PTK2: variants seen among roughly 807,000 people sequenced by gnomAD.
PTK2 encodes the protein protein tyrosine kinase 2.
In PTK2, 45 loss-of-function variants were observed where a neutral mutation model predicts 150.1. The observed-to-expected ratio is 0.30, with a 90% CI of 0.24 to 0.38. The LOEUF is 0.38. PTK2 is among the 10% of genes least tolerant of loss of function. PTK2 has a pLI of 1.00. For missense variants in PTK2, 919 were observed against 1,307.3 expected (o/e 0.70, Z 4.58); for synonymous variants, 432 against 449.2 (o/e 0.96, Z 0.48).
chr8:140,700,935 T>C, exon 26 of PTK2: 2 of 1,614,006 alleles, frequency 1.2e-6, no homozygotes, highest in Non-Finnish European at 1.7e-6. Context: ...TCTTCTTCCA[T>C]TTCCTGTTGC....
chr8:140,846,040 GTA>G (rs1178117140), intron 7 of PTK2, among the ~76,000 whole-genome samples: 1 of 152,088 alleles, frequency 6.6e-6, no homozygotes, highest in African/African-American at 2.4e-5. Context: ...TACACAAAGT[GTA>G]TGTTAATGGG....
At chr8:140,975,126 T>C (rs1382588896) in intron 1 of PTK2, among the ~76,000 whole-genome samples, 2 of 152,206 alleles carry the variant, frequency 1.3e-5, no homozygotes, top group Non-Finnish European at 2.9e-5. Flanking sequence ...AGACTGTATG[T>C]TACTAAATTC....
chr8:140,688,183 CAA>C (rs989937243), intron 26 of PTK2, among the ~76,000 whole-genome samples: 18 of 152,198 alleles, frequency 1.2e-4, no homozygotes, highest in African/African-American at 4.1e-4. Flanking sequence ...AGACAGTAAG[CAA>C]AGAGGGCAAA....
intron 2 of PTK2, among the ~76,000 whole-genome samples, chr8:140,908,368 A>C (rs1222200599): frequency 6.6e-6 from 1 of 152,244 alleles, no homozygotes; most frequent in Non-Finnish European, 1.5e-5. Context: ...TACAAGATGA[A>C]GCAGCAAGTG....
rs750094251 is a variant in PTK2 at position 140,890,776 on chromosome 8, A to G, written c.-32-7T>C. The G allele has an allele frequency of 1.2e-6, 2 of 1,610,022 alleles. No homozygotes were observed. Among genetic ancestry groups the G allele is most frequent in the Non-Finnish European group, 8.5e-7 (1 of 1,176,496 alleles). On this transcript the variant is annotated splice_polypyrimidine_tract_variant and splice_region_variant and intron_variant, in intron 2 of 31. Coordinates refer to ENST00000522684, the Ensembl canonical transcript of PTK2. ...GCTAGGTATCTGTCATATTCTGTTA[A>G]AAGAACAAAATAATTTTTTGTGTAT...
chr8:140,862,222 T>C (rs1213623506), intron 5 of PTK2, among the ~76,000 whole-genome samples: 1 of 152,184 alleles, frequency 6.6e-6, no homozygotes, highest in African/African-American at 2.4e-5. Context: ...TACCCATGTA[T>C]TTCCTCGGTG....
At chr8:140,907,826 A>G (rs140835777) in intron 2 of PTK2, among the ~76,000 whole-genome samples, 258 of 152,232 alleles carry the variant, frequency 1.7e-3, no homozygotes, top group African/African-American at 6.0e-3. Context: ...GTGTGTCCTA[A>G]CTGCTCCACC....
At chr8:140,753,391 T>C (rs796675338) in intron 16 of PTK2, among the ~76,000 whole-genome samples, 4 of 152,304 alleles carry the variant, frequency 2.6e-5, no homozygotes, top group East Asian at 1.9e-4. Flanking sequence ...GTCAGTAAGA[T>C]AGCCAAGTCA....
intron 14 of PTK2, among the ~76,000 whole-genome samples, chr8:140,781,222 C>A (rs1269307314): frequency 6.6e-6 from 1 of 151,942 alleles, no homozygotes; most frequent in Non-Finnish European, 1.5e-5. Flanking sequence ...ATAACTGGGC[C>A]TTTTGATGTT....
chr8:140,718,421 A>T (rs1263951174), intron 22 of PTK2: 1 of 151,952 alleles, frequency 6.6e-6, no homozygotes, highest in Non-Finnish European at 1.5e-5. Flanking sequence ...CATCACATAA[A>T]CCCCTCAGAA....
At chr8:140,747,287 G>A (rs559654221) in intron 17 of PTK2, 3 of 171,184 alleles carry the variant, frequency 1.8e-5, no homozygotes, top group Non-Finnish European at 3.7e-5. Context: ...AATTCCACAG[G>A]TCAGTTCAGC....
In PTK2 at chr8:140,927,956, AAG is replaced by A. The variant is rs1464044752; in HGVS notation, c.-121-2209_-121-2208del. ...TCTCAAAAAGAAAAAAAAAAAAAAA[AAG>A]AAAAAAAAAAAAAAAAAATATATAT... On this transcript the variant is annotated intron_variant, in intron 1 of 31. Coordinates refer to ENST00000522684, the Ensembl canonical transcript of PTK2. Among the ~76,000 whole-genome samples, 459 of 85,200 alleles carry A rather than the reference AAG, an allele frequency of 5.4e-3. 3 individuals are homozygous for A. Among genetic ancestry groups the A allele is most frequent in the Admixed American group, 6.8e-3 (37 of 5,404 alleles). The allele number at this position is 85,200 out of a possible 152,430, so 55.9% of individuals were successfully genotyped here.
chr8:140,866,854 G>A, intron 4 of PTK2, among the ~76,000 whole-genome samples: 1 of 152,128 alleles, frequency 6.6e-6, no homozygotes, highest in East Asian at 1.9e-4. Context: ...CAAATCAAAG[G>A]GGAATAACAA....
intron 1 of PTK2, among the ~76,000 whole-genome samples, chr8:140,973,367 G>A (rs1422972179): frequency 6.6e-6 from 1 of 152,026 alleles, no homozygotes; most frequent in East Asian, 1.9e-4. Flanking sequence ...TCCATCAAAT[G>A]GTCATTTGAC....
chr8:140,758,317 G>T (rs941598025), intron 16 of PTK2, among the ~76,000 whole-genome samples: 6 of 152,148 alleles, frequency 3.9e-5, no homozygotes, highest in African/African-American at 1.4e-4. Context: ...TTGAACTCCT[G>T]GGTTCGAGTG....
chr8:140,745,710 G>C (rs759955043), intron 18 of PTK2, among the ~76,000 whole-genome samples: 12 of 152,136 alleles, frequency 7.9e-5, no homozygotes, highest in Non-Finnish European at 1.2e-4. Context: ...ATTTTTAAAA[G>C]AAAGTACGGC....
At chr8:140,787,388 A>G (rs922011736) in intron 14 of PTK2, among the ~76,000 whole-genome samples, 2 of 152,224 alleles carry the variant, frequency 1.3e-5, no homozygotes, top group Non-Finnish European at 2.9e-5. Flanking sequence ...GAGATGATAC[A>G]TGTACAAGAA....
At chr8:140,818,614 C>A (rs893474096) in intron 9 of PTK2, among the ~76,000 whole-genome samples, 8 of 152,036 alleles carry the variant, frequency 5.3e-5, no homozygotes, top group Non-Finnish European at 8.8e-5. Context: ...GGTAAACTAG[C>A]CCTTAGAGAA....
chr8:140,896,461 GAAGA>G (rs889001064), intron 2 of PTK2, among the ~76,000 whole-genome samples: 2 of 152,180 alleles, frequency 1.3e-5, no homozygotes, highest in Non-Finnish European at 2.9e-5. Context: ...TCTAGGAATA[GAAGA>G]AAGGTATTCA....
Sources: allele counts gnomAD v4.1 joint callset (sites outside exome capture counted in the v4.1 genomes callset), GRCh38; gene constraint gnomAD v4.1.1; transcripts MANE v1.5; gene names NCBI Gene and HGNC (gene_info 2026-07-23, HGNC 2026-07-21).